The following FHIT variants were observed in gnomAD, a reference collection of about 807,000 sequenced individuals.
FHIT encodes the protein fragile histidine triad diadenosine triphosphatase, also known as bis(5'-adenosyl)-triphosphatase.
Under a neutral mutation model 17.9 loss-of-function variants are expected in FHIT, and 19 were observed. The ratio of observed to expected loss-of-function variants is 1.06; its 90% CI spans 0.74 to 1.56. The LOEUF is 1.56. Ranked by LOEUF, FHIT falls within the 40% of genes most tolerant of loss-of-function variation. FHIT has a pLI of 0.00. For missense variants in FHIT, 248 were observed against 189.2 expected, an observed-to-expected ratio of 1.31 and a Z score of -1.82; for synonymous variants, 81 against 69.7, an observed-to-expected ratio of 1.16 and a Z score of -0.81.
chr3:59,900,062 G>A (rs1224122891), intron 8 of FHIT, among the ~76,000 whole-genome samples: 2 of 152,206 alleles, frequency 1.3e-5, no homozygotes, highest in African/African-American at 2.4e-5. Context: ...CCCTGTGCTA[G>A]GCACCATGGA....
At chr3:60,666,470 C>T (rs1553692464) in intron 4 of FHIT, among the ~76,000 whole-genome samples, 2 of 152,024 alleles carry the variant, frequency 1.3e-5, no homozygotes, top group African/African-American at 2.4e-5. Flanking sequence ...ATTGGTATTC[C>T]TCTATAGGTA....
At chr3:60,716,049 G>A (rs189894073) in intron 4 of FHIT, among the ~76,000 whole-genome samples, 49 of 152,136 alleles carry the variant, frequency 3.2e-4, no homozygotes, top group African/African-American at 1.2e-3. Context: ...TCAGGAGTTC[G>A]AGACCAACAT....
At chr3:60,782,550 C>T (rs1286100082) in intron 4 of FHIT, among the ~76,000 whole-genome samples, 1 of 152,136 alleles carries the variant, frequency 6.6e-6, no homozygotes, top group African/African-American at 2.4e-5. Flanking sequence ...GCAACAAGTT[C>T]CTTTTCTTTC....
chr3:60,224,300 C>G (rs1704091664), intron 5 of FHIT, among the ~76,000 whole-genome samples: 1 of 152,122 alleles, frequency 6.6e-6, no homozygotes, highest in African/African-American at 2.4e-5. Context: ...CTTGTGAAAA[C>G]TGTCCCAACC....
At chr3:60,094,163 T>A (rs1032900631) in intron 5 of FHIT, among the ~76,000 whole-genome samples, 4 of 152,308 alleles carry the variant, frequency 2.6e-5, no homozygotes, top group Middle Eastern at 3.4e-3. Flanking sequence ...AACAGACTTT[T>A]CCCCATCTCA....
chr3:60,576,158 G>C (rs1456015025), intron 4 of FHIT, among the ~76,000 whole-genome samples: 1 of 151,970 alleles, frequency 6.6e-6, no homozygotes, highest in Non-Finnish European at 1.5e-5. Context: ...CCCAACACAA[G>C]GCTGTATAAA....
rs1237559444 is a variant in FHIT at position 60,778,434 on chromosome 3, G to T, written c.-18+43485C>A. On this transcript the variant is annotated intron_variant, in intron 4 of 9. Transcript: ENST00000492590. ...ACAGGAAAATGTACAGGACTCAAAAGCTGAAATGCTCATGATTATCAAGCA... is the reference window on the plus strand; with the variant it reads ...ACAGGAAAATGTACAGGACTCAAAATCTGAAATGCTCATGATTATCAAGCA... Among the ~76,000 whole-genome samples the T allele has an allele frequency of 2.0e-5, 3 of 152,156 alleles. No homozygotes were observed. The East Asian group carries it at 5.8e-4, about 29-fold the overall frequency.
intron 3 of FHIT, among the ~76,000 whole-genome samples, chr3:61,017,124 C>A (rs1006628567): frequency 3.3e-5 from 5 of 151,990 alleles, no homozygotes; most frequent in African/African-American, 1.2e-4. Flanking sequence ...CCGTCTCTAA[C>A]AAAAACACAC....
At chr3:59,897,110 G>A (rs1194141170) in intron 8 of FHIT, among the ~76,000 whole-genome samples, 1 of 152,122 alleles carries the variant, frequency 6.6e-6, no homozygotes, top group Non-Finnish European at 1.5e-5. Flanking sequence ...GGGTTCTAAA[G>A]TTTATATAGT....
intron 5 of FHIT, among the ~76,000 whole-genome samples, chr3:60,034,256 C>A (rs1205663627): frequency 6.6e-6 from 1 of 152,212 alleles, no homozygotes; most frequent in Non-Finnish European, 1.5e-5. Context: ...TCCTCTGATT[C>A]AATGAACATG....
intron 8 of FHIT, among the ~76,000 whole-genome samples, chr3:59,828,486 G>A (rs531523299): frequency 7.4e-4 from 113 of 152,296 alleles, no homozygotes; most frequent in African/African-American, 2.6e-3. Context: ...AGTTATCCCA[G>A]CCAAGTGTAT....
At chr3:60,781,315 G>T (rs1700381667) in intron 4 of FHIT, among the ~76,000 whole-genome samples, 1 of 151,966 alleles carries the variant, frequency 6.6e-6, no homozygotes, top group Non-Finnish European at 1.5e-5. Flanking sequence ...TGCTATACTG[G>T]GAACCCAAAG....
intron 5 of FHIT, among the ~76,000 whole-genome samples, chr3:60,421,272 C>A (rs1702455526): frequency 6.6e-6 from 1 of 152,092 alleles, no homozygotes; most frequent in African/African-American, 2.4e-5. Context: ...TCTGGTTTCA[C>A]TGATTTACTG....
chr3:59,789,289 C>G (rs966904033), intron 8 of FHIT, among the ~76,000 whole-genome samples: 4 of 152,126 alleles, frequency 2.6e-5, no homozygotes, highest in African/African-American at 9.7e-5. Context: ...TCTTTATAAC[C>G]CACATTTTTT....
chr3:59,852,768 T>C (rs1439360282), intron 8 of FHIT, among the ~76,000 whole-genome samples: 1 of 152,212 alleles, frequency 6.6e-6, no homozygotes, highest in Non-Finnish European at 1.5e-5. Context: ...ATAGTCAGAA[T>C]CATGGAGCAT....
At chr3:60,027,192 G>C (rs1187488531) in intron 5 of FHIT, among the ~76,000 whole-genome samples, 1 of 145,752 alleles carries the variant, frequency 6.9e-6, no homozygotes, top group African/African-American at 2.6e-5. Flanking sequence ...ATAAAAATAT[G>C]AACTTACAAG....
At chr3:60,739,184 T>C (rs2042195236) in intron 4 of FHIT, among the ~76,000 whole-genome samples, 1 of 152,104 alleles carries the variant, frequency 6.6e-6, no homozygotes, top group South Asian at 2.1e-4. Context: ...CCTGCATGCA[T>C]CCTTCAAGCC....
intron 4 of FHIT, among the ~76,000 whole-genome samples, chr3:60,760,324 G>T (rs564713686): frequency 6.6e-6 from 1 of 152,340 alleles, no homozygotes; most frequent in South Asian, 2.1e-4. Context: ...AGGTAGGCTA[G>T]TGAGAGCATG....
chr3:60,031,233 T>C (rs1025182332), intron 5 of FHIT, among the ~76,000 whole-genome samples: 1 of 152,232 alleles, frequency 6.6e-6, no homozygotes, highest in Non-Finnish European at 1.5e-5. Context: ...TCTGATCTTA[T>C]TGACAGGGAT....
Sources: allele counts gnomAD v4.1 joint callset (sites outside exome capture counted in the v4.1 genomes callset), GRCh38; gene constraint gnomAD v4.1.1; transcripts MANE v1.5; gene names NCBI Gene and HGNC (gene_info 2026-07-23, HGNC 2026-07-21).